ARL15: variants seen among roughly 807,000 people sequenced by gnomAD.
ARL15 encodes the protein ARF like GTPase 15.
ARL15 carries 19 observed loss-of-function variants against 25.2 expected under a neutral mutation model. The observed-to-expected ratio is 0.75, with a 90% CI of 0.53 to 1.10. The LOEUF (loss-of-function observed/expected upper bound fraction) is 1.10, where lower values mean the gene tolerates loss of function less well. ARL15 is among the 50% of genes least tolerant of loss of function. ARL15 has a pLI of 0.00. For synonymous variants in ARL15, 94 were observed against 86.8 expected (o/e 1.08, Z -0.46); for missense variants, 220 against 246.0 (o/e 0.89, Z 0.71).
At chr5:54,099,074 C>T (rs1331122305) in intron 4 of ARL15, among the ~76,000 whole-genome samples, 1 of 152,108 alleles carries the variant, frequency 6.6e-6, no homozygotes, top group Non-Finnish European at 1.5e-5. Context: ...TATAAAAAGG[C>T]AGATTTCTGG....
chr5:54,134,917 A>G (rs78140068), intron 3 of ARL15, among the ~76,000 whole-genome samples: 1,597 of 152,250 alleles, frequency 0.01, 24 homozygotes, highest in Middle Eastern at 0.041. Flanking sequence ...TGTTATTTCT[A>G]GCAGGGAGCC....
intron 3 of ARL15, among the ~76,000 whole-genome samples, chr5:54,134,173 A>T (rs1186656413): frequency 1.3e-5 from 2 of 152,206 alleles, no homozygotes; most frequent in African/African-American, 4.8e-5. Context: ...GATCATTGTG[A>T]ACCACCATGG....
At chr5:54,142,549 T>C (rs1390191400) in intron 3 of ARL15, among the ~76,000 whole-genome samples, 4 of 152,154 alleles carry the variant, frequency 2.6e-5, no homozygotes, top group African/African-American at 9.7e-5. Context: ...TCTCCTGGAC[T>C]CACCTTGCTG....
chr5:54,095,467 A>C (rs914541285), intron 4 of ARL15, among the ~76,000 whole-genome samples: 1 of 152,156 alleles, frequency 6.6e-6, no homozygotes, highest in Non-Finnish European at 1.5e-5. Context: ...GATGAATGAA[A>C]AAACACGTGA....
At chr5:53,964,440 T>G (rs6450174) in intron 4 of ARL15, among the ~76,000 whole-genome samples, 1 of 151,904 alleles carries the variant, frequency 6.6e-6, no homozygotes, top group Non-Finnish European at 1.5e-5. Flanking sequence ...GCTCACTGCA[T>G]GCTCCGCCTC....
chr5:54,132,669 A>G (rs903961690), intron 3 of ARL15, among the ~76,000 whole-genome samples: 1 of 152,144 alleles, frequency 6.6e-6, no homozygotes, highest in Non-Finnish European at 1.5e-5. Flanking sequence ...TTTTATGGTT[A>G]TTTCTTAATG....
chr5:54,138,761 A>C (rs993752009), intron 3 of ARL15, among the ~76,000 whole-genome samples: 2 of 152,218 alleles, frequency 1.3e-5, no homozygotes, highest in African/African-American at 4.8e-5. Flanking sequence ...AAAAATCTGC[A>C]AACTATGCAT....
intron 4 of ARL15, among the ~76,000 whole-genome samples, chr5:54,001,417 A>G (rs1219143003): frequency 6.6e-6 from 1 of 152,208 alleles, no homozygotes; most frequent in Non-Finnish European, 1.5e-5. Context: ...CAACTACTCC[A>G]TGATGACCAC....
chr5:54,037,500 G>A (rs1450132685), intron 4 of ARL15, among the ~76,000 whole-genome samples: 1 of 151,952 alleles, frequency 6.6e-6, no homozygotes, highest in Non-Finnish European at 1.5e-5. Flanking sequence ...CTGAAAACTA[G>A]CCACTGAACT....
At chr5:54,082,107 A>AGGAGGGAGGGAC (rs1554039045) in intron 4 of ARL15, among the ~76,000 whole-genome samples, 2 of 135,578 alleles carry the variant, frequency 1.5e-5, no homozygotes, top group Non-Finnish European at 3.1e-5. Context: ...AAAGAAGGAA[A>AGGAGGGAGGGAC]GGAGGGAGGG....
intron 1 of ARL15, among the ~76,000 whole-genome samples, chr5:54,246,485 C>T (rs1327238426): frequency 6.6e-6 from 1 of 151,984 alleles, no homozygotes; most frequent in East Asian, 1.9e-4. Context: ...AACTAACCTC[C>T]CCCAAACATG....
chr5:54,057,428 C>T (rs1397812744), intron 4 of ARL15, among the ~76,000 whole-genome samples: 1 of 152,176 alleles, frequency 6.6e-6, no homozygotes, highest in Non-Finnish European at 1.5e-5. Flanking sequence ...CACAACTGTG[C>T]CACTGTTTAA....
intron 4 of ARL15, among the ~76,000 whole-genome samples, chr5:53,948,389 GA>G (rs2112108083): frequency 6.6e-6 from 1 of 152,310 alleles, no homozygotes; most frequent in Admixed American, 6.5e-5. Context: ...CAATAAAAAT[GA>G]ACTGATAGGT....
intron 1 of ARL15, among the ~76,000 whole-genome samples, chr5:54,198,787 A>T (rs1755630910): frequency 1.3e-5 from 2 of 151,066 alleles, no homozygotes; most frequent in Admixed American, 1.3e-4. Context: ...ACAGAATTGG[A>T]AAAAACTACT....
chr5:54,216,437 G>A (rs1756208542), intron 1 of ARL15, among the ~76,000 whole-genome samples: 1 of 152,164 alleles, frequency 6.6e-6, no homozygotes, highest in African/African-American at 2.4e-5. Flanking sequence ...GTATCTGATG[G>A]AAGAACATAA....
At chr5:54,114,406 G>GAAAAAAAAAAAAAAAAAA (rs1171369744) in intron 3 of ARL15, among the ~76,000 whole-genome samples, 4 of 74,476 alleles carry the variant, frequency 5.4e-5, no homozygotes, top group Non-Finnish European at 6.8e-5. Context: ...TCCATCTCAA[G>GAAAAAAAAAAAAAAAAAA]AAAAAAAAAA....
chr5:54,043,548 A>C (rs1359176697), intron 4 of ARL15, among the ~76,000 whole-genome samples: 1 of 152,160 alleles, frequency 6.6e-6, no homozygotes, highest in East Asian at 1.9e-4. Flanking sequence ...AAAGGCTGGA[A>C]ATTTCCTTTA....
At chr5:53,939,085 T>G (rs539196055) in intron 4 of ARL15, among the ~76,000 whole-genome samples, 12 of 152,182 alleles carry the variant, frequency 7.9e-5, no homozygotes, top group Non-Finnish European at 1.8e-4. Context: ...TAGAACATAC[T>G]TCCCTCAACT....
chr5:54,253,414 G>A (rs147858691), intron 1 of ARL15, among the ~76,000 whole-genome samples: 249 of 152,146 alleles, frequency 1.6e-3, no homozygotes, highest in African/African-American at 5.9e-3. Flanking sequence ...ACCAGCCCAG[G>A]GAGCTGGGAG....
Sources: gnomAD v4.1 joint callset for allele counts (sites outside exome capture counted in the v4.1 genomes callset) on GRCh38, gnomAD v4.1.1 for gene constraint, MANE v1.5 for transcripts, NCBI Gene and HGNC (gene_info 2026-07-23, HGNC 2026-07-21) for gene names.